The following SATB1 variants were observed in gnomAD, a reference collection of about 807,000 sequenced individuals.
SATB1 encodes SATB homeobox 1.
In SATB1, 11 loss-of-function variants were observed where a neutral mutation model predicts 86.9. The ratio of observed to expected loss-of-function variants is 0.13; its 90% CI spans 0.08 to 0.21. The LOEUF is 0.21. Among genes scored for constraint, SATB1 ranks in the 10% least tolerant of loss-of-function variants. The pLI, the probability that SATB1 is intolerant of heterozygous loss-of-function variation, is 1.00. For missense variants in SATB1, 551 were observed against 937.6 expected, an observed-to-expected ratio of 0.59 and a Z score of 5.39; for synonymous variants, 357 against 357.2, an observed-to-expected ratio of 1.00 and a Z score of 0.01.
chr3:18,376,278 G>C (rs886320600), intron 9 of SATB1, among the ~76,000 whole-genome samples: 21 of 151,792 alleles, frequency 1.4e-4, no homozygotes, highest in African/African-American at 4.8e-4. Flanking sequence ...GATGGCGGGG[G>C]TGGGGGTAGA....
chr3:18,397,433 G>A (rs1015101720), intron 5 of SATB1, 143 bp from the exon 6 acceptor site: 11 of 588,002 alleles, frequency 1.9e-5, no homozygotes, highest in Non-Finnish European at 2.7e-5. Context: ...CTAAAGCTTC[G>A]ACTTCTTAAT....
rs1291852978 is a variant in SATB1 at position 18,345,868 on chromosome 3, C to T, written c.*3302G>A. 6.6e-6 allele frequency: 1 copy of T among 151,978 alleles called. No homozygotes were observed. The highest frequency in any genetic ancestry group is 1.5e-5 in the Non-Finnish European group (1 of 67,972). The allele number at this position is 151,978 out of a possible 1,614,324, so 9.4% of individuals were successfully genotyped here. ...CAAAGACCTTAATATCAGCCAGATG[C>T]TAACAATTGGGAATAGGGCAGAATT... On this transcript the variant is annotated 3_prime_UTR_variant, in exon 11 of 11. Transcript: ENST00000338745.
chr3:18,389,110 T>C (rs1339608953), intron 7 of SATB1, among the ~76,000 whole-genome samples: 1 of 152,074 alleles, frequency 6.6e-6, no homozygotes, highest in Non-Finnish European at 1.5e-5. Context: ...GGGCAAAGCA[T>C]TTTACTACCA....
chr3:18,388,567 T>C (rs1346212191), intron 7 of SATB1, among the ~76,000 whole-genome samples: 2 of 152,120 alleles, frequency 1.3e-5, no homozygotes, highest in African/African-American at 4.8e-5. Context: ...GATAAGTATT[T>C]ACTAAATGGA....
chr3:18,433,770 C>T (rs1559466948), intron 2 of SATB1, among the ~76,000 whole-genome samples: 1 of 151,994 alleles, frequency 6.6e-6, no homozygotes. Flanking sequence ...ATCCAGTTAC[C>T]TATCTTGTAG....
At position 18,413,653 on chromosome 3, in the gene SATB1, T is replaced by C. The variant is rs140101659; in HGVS notation, c.639+1458A>G. ...ATTATTTTTATTTGATGGTTATAAA[T>C]TCATATCCTCTCTATTCCAAGGGTG... On this transcript the variant is annotated intron_variant, in intron 5 of 10. Coordinates refer to ENST00000338745, the MANE Select transcript of SATB1 (RefSeq NM_002971.6). Among the ~76,000 whole-genome samples the C allele has an allele frequency of 5.5e-3, 842 of 152,186 alleles. 6 individuals carry two copies. Among genetic ancestry groups the C allele is most frequent in the African/African-American group, 0.019 (802 of 41,554 alleles).
At chr3:18,410,447 A>T (rs1697774575) in intron 5 of SATB1, among the ~76,000 whole-genome samples, 1 of 152,068 alleles carries the variant, frequency 6.6e-6, no homozygotes, top group Non-Finnish European at 1.5e-5. Flanking sequence ...ACGCTCACTC[A>T]TGTCAACATT....
rs1304352729 is a variant in SATB1 at position 18,383,625 on chromosome 3, A to G, written c.1419+2774T>C. Among the ~76,000 whole-genome samples the G allele has an allele frequency of 2.0e-5, 3 of 152,168 alleles. No individual in the cohort carries two copies. The East Asian group carries it at 5.8e-4, about 29-fold the overall frequency. Reference sequence around the variant, plus strand: ...CTCTTTGGCAAAATGTAAAATTTAAAAAGACAAAATTTTGCAGTCTGTGTT... The same window carrying G: ...CTCTTTGGCAAAATGTAAAATTTAAGAAGACAAAATTTTGCAGTCTGTGTT... On this transcript the variant is annotated intron_variant, in intron 8 of 10. Transcript: ENST00000338745.
intron 5 of SATB1, among the ~76,000 whole-genome samples, chr3:18,407,193 T>C (rs549442963): frequency 6.6e-6 from 1 of 152,208 alleles, no homozygotes; most frequent in South Asian, 2.1e-4. Context: ...CTTGACATTA[T>C]CTAGCCTAGG....
At chr3:18,360,493 C>A (rs1694855626) in intron 9 of SATB1, among the ~76,000 whole-genome samples, 1 of 151,596 alleles carries the variant, frequency 6.6e-6, no homozygotes. Flanking sequence ...ATTCCTTATA[C>A]AATTCTCTCT....
At chr3:18,417,125 G>GA (rs1698157163) in intron 2 of SATB1, 47 bp from the exon 3 acceptor site, 1 of 1,576,796 alleles carries the variant, frequency 6.3e-7, no homozygotes, top group Non-Finnish European at 8.6e-7. Flanking sequence ...ACAATCTTCA[G>GA]AAATACAGCT....
intron 5 of SATB1, among the ~76,000 whole-genome samples, chr3:18,408,322 G>A (rs1429831771): frequency 6.6e-6 from 1 of 151,966 alleles, no homozygotes; most frequent in Non-Finnish European, 1.5e-5. Flanking sequence ...CCGTAAGACT[G>A]CATATTAGAA....
intron 7 of SATB1, among the ~76,000 whole-genome samples, chr3:18,391,789 C>A (rs1209988382): frequency 2.0e-5 from 3 of 152,070 alleles, no homozygotes; most frequent in Non-Finnish European, 4.4e-5. Context: ...ACCCTCTGCA[C>A]CTGCTTTTAT....
chr3:18,413,779 T>C (rs1697986410), intron 5 of SATB1, among the ~76,000 whole-genome samples: 2 of 152,122 alleles, frequency 1.3e-5, no homozygotes, highest in South Asian at 2.1e-4. Context: ...ACAGAGAATA[T>C]GTAACCTGTG....
chr3:18,386,206 CTCTA>C lies in SATB1; in HGVS notation c.1419+189_1419+192del, dbSNP rs1399904379. Among the ~76,000 whole-genome samples the C allele has an allele frequency of 1.3e-5, 2 of 152,088 alleles. No homozygotes were observed. The highest frequency in any genetic ancestry group is 2.1e-4 in the South Asian group (1 of 4,820). On this transcript the variant is annotated intron_variant, in intron 8 of 10. Transcript: ENST00000338745. This position sits in a 1 kb window ranked among gnomAD's most constrained non-coding sequence, Gnocchi z 4.5. ...AAGGAACACAAAGCAATTTTCTTCCCTCTATCTAATTAGGAGCTTATTGTTTTTA... is the reference window on the plus strand; with the variant it reads ...AAGGAACACAAAGCAATTTTCTTCCCTCTAATTAGGAGCTTATTGTTTTTA...
chr3:18,394,855 C>T lies in SATB1; in HGVS notation c.813G>A (p.Gln271=). The part of the protein sequence containing the change: ...QQGANHVNFG[Q]QPVPGNTAEQ... The stretch of plus-strand genomic sequence containing the variant: ...CGGCTGTGTTCCCTGGAACTGGTTG[C>T]TGGCCAAAATTGACATGATTGGCGC... The change falls in exon 7 of 11, where the codon CAG becomes CAA. Residue 271 remains glutamine (Q), a synonymous_variant. Coordinates refer to ENST00000338745, the MANE Select transcript of SATB1 (RefSeq NM_002971.6). This position sits in a 1 kb window ranked among gnomAD's most constrained non-coding sequence, Gnocchi z 5.9. 3 of 1,613,406 alleles carry T rather than the reference C, an allele frequency of 1.9e-6. No individual in the cohort carries two copies. The highest frequency in any genetic ancestry group is 1.7e-6 in the Non-Finnish European group (2 of 1,179,734).
chr3:18,395,034 A>T (rs1696893712), intron 6 of SATB1, 118 bp from the exon 7 acceptor site: 3 of 773,068 alleles, frequency 3.9e-6, no homozygotes, highest in Non-Finnish European at 5.9e-6. Context: ...AAATCCAATA[A>T]AACCAAGAAA....
chr3:18,366,279 A>G (rs1695180065), intron 9 of SATB1, among the ~76,000 whole-genome samples: 1 of 152,018 alleles, frequency 6.6e-6, no homozygotes, highest in South Asian at 2.1e-4. Context: ...ATTCTCTCAA[A>G]TGAGCTGTCA....
At chr3:18,433,863 A>G (rs1258585786) in intron 2 of SATB1, among the ~76,000 whole-genome samples, 2 of 152,110 alleles carry the variant, frequency 1.3e-5, no homozygotes, top group Non-Finnish European at 2.9e-5. Context: ...TTGAGCCAAC[A>G]TGAAGGAAAA....
Sources: gnomAD v4.1 joint callset for allele counts (sites outside exome capture counted in the v4.1 genomes callset) on GRCh38, gnomAD v4.1.1 for gene constraint, Gnocchi (gnomAD v3.1) non-coding constraint, MANE v1.5 for transcripts, NCBI Gene and HGNC (gene_info 2026-07-23, HGNC 2026-07-21) for gene names.